ITGAM: variants seen among roughly 807,000 people sequenced by gnomAD.
ITGAM encodes integrin subunit alpha M.
Under a neutral mutation model 137.5 loss-of-function variants are expected in ITGAM, and 79 were observed. The observed-to-expected ratio is 0.57, with a 90% CI of 0.48 to 0.69. The LOEUF is 0.69. ITGAM is among the 30% of genes least tolerant of loss of function. ITGAM has a pLI of 0.00. For missense variants in ITGAM, 1,343 were observed against 1,483.5 expected, an observed-to-expected ratio of 0.91 and a Z score of 1.56; for synonymous variants, 583 against 592.3, an observed-to-expected ratio of 0.98 and a Z score of 0.23.
In ITGAM at chr16:31,307,766, A is replaced by G. The variant is rs1295555133; in HGVS notation, c.1707+9812A>G. On this transcript the variant is annotated intron_variant, in intron 14 of 29. Coordinates refer to ENST00000544665, the MANE Select transcript of ITGAM (RefSeq NM_000632.4). ...TGCTTCCAGTTTTTGTCCATTCAGTATGATATTGGCTGTGGGTTTGTCATA... is the reference window on the plus strand; with the variant it reads ...TGCTTCCAGTTTTTGTCCATTCAGTGTGATATTGGCTGTGGGTTTGTCATA... Among the ~76,000 whole-genome samples, 4 of 152,008 alleles carry G rather than the reference A, an allele frequency of 2.6e-5. No homozygotes were observed. In the East Asian group the frequency reaches 7.7e-4, roughly 29 times the overall value.
rs1031842145 is a variant in ITGAM at position 31,265,198 on chromosome 16, C to A, written c.135-197C>A. 3.3e-5 allele frequency among the ~76,000 whole-genome samples: 5 copies of A among 152,238 alleles called. No homozygotes were observed. The South Asian group carries it at 1.0e-3, about 32-fold the overall frequency. On this transcript the variant is annotated intron_variant, in intron 2 of 29. Coordinates refer to ENST00000544665, the MANE Select transcript of ITGAM (RefSeq NM_000632.4). ...TTTAAATGACTTCTGGTTTTTGTGT[C>A]ATTCTTAGGAAGACCTTTTCTCATT...
chr16:31,297,961 C>T lies in ITGAM; in HGVS notation c.1707+7C>T. On this transcript the variant is annotated splice_region_variant and intron_variant, in intron 14 of 29. Transcript: ENST00000544665. ...CAGCCCCTCCCATAGCCAGGTGAGA[C>T]CTGGTCACTGTCCTTGTCATGACAG... The T allele has an allele frequency of 1.2e-6, 2 of 1,608,840 alleles. No individual in the cohort carries two copies. Among genetic ancestry groups the T allele is most frequent in the Non-Finnish European group, 1.7e-6 (2 of 1,175,412 alleles).
intron 14 of ITGAM, among the ~76,000 whole-genome samples, chr16:31,303,705 G>A (rs187553590): frequency 1.3e-5 from 2 of 152,052 alleles, no homozygotes; most frequent in East Asian, 3.9e-4. Flanking sequence ...CATATATTTA[G>A]TTTTCCATTC....
At chr16:31,326,505 C>T (rs2080509659) in intron 21 of ITGAM, among the ~76,000 whole-genome samples, 1 of 152,142 alleles carries the variant, frequency 6.6e-6, no homozygotes, top group Non-Finnish European at 1.5e-5. Flanking sequence ...CAACCTCTGC[C>T]TCCCAGGTTT....
At chr16:31,317,306 T>C (rs1597030983) in intron 14 of ITGAM, among the ~76,000 whole-genome samples, 1 of 152,178 alleles carries the variant, frequency 6.6e-6, no homozygotes, top group African/African-American at 2.4e-5. Flanking sequence ...TAATCATGAG[T>C]GGCTATTCCT....
chr16:31,329,089 A>G, intron 23 of ITGAM, 139 bp from the exon 24 acceptor site: 1 of 89,920 alleles, frequency 1.1e-5, no homozygotes, highest in Non-Finnish European at 2.2e-5. Context: ...ATCCCCCTGC[A>G]CCCCACCCCA....
chr16:31,300,081 T>G (rs2078642741), intron 14 of ITGAM, among the ~76,000 whole-genome samples: 1 of 152,086 alleles, frequency 6.6e-6, no homozygotes, highest in Non-Finnish European at 1.5e-5. Flanking sequence ...GGCTGATGGC[T>G]TTCTTTTTTA....
chr16:31,269,644 C>T (rs1443270754), intron 5 of ITGAM, among the ~76,000 whole-genome samples: 1 of 152,128 alleles, frequency 6.6e-6, no homozygotes, highest in Non-Finnish European at 1.5e-5. Context: ...AATTATAAAG[C>T]TGTGACAGGC....
chr16:31,324,445 C>T lies in ITGAM; in HGVS notation c.2049C>T (p.Gly683=), dbSNP rs1371674131. The T allele has an allele frequency of 7.1e-6, 11 of 1,556,480 alleles. No homozygotes were observed. The highest frequency in any genetic ancestry group is 4.7e-5 in the South Asian group (4 of 84,306). The part of the protein sequence containing the change: ...VVTYDLALDS[G]RPHSRAVFNE... ...CTTATGACCTGGCTCTGGACTCCGGCCGCCCACATTCCCGCGCCGTCTTCA... is the reference window on the plus strand; with the variant it reads ...CTTATGACCTGGCTCTGGACTCCGGTCGCCCACATTCCCGCGCCGTCTTCA... The change falls in exon 17 of 30, where the codon GGC becomes GGT. Residue 683 remains glycine, a synonymous_variant. Transcript: ENST00000544665. The surrounding 1 kb of genome is among the most constrained non-coding windows in gnomAD (Gnocchi z 4.5).
At chr16:31,266,262 T>TG in intron 5 of ITGAM, 115 bp downstream of exon 5, 1 of 708,406 alleles carries the variant, frequency 1.4e-6, no homozygotes, top group South Asian at 1.6e-5. Context: ...GTGGGGGAAC[T>TG]GGGTCCCATT....
intron 12 of ITGAM, among the ~76,000 whole-genome samples, chr16:31,283,232 G>A (rs2079989727): frequency 6.6e-6 from 1 of 152,104 alleles, no homozygotes; most frequent in Non-Finnish European, 1.5e-5. Context: ...TCTTTGTGGT[G>A]TTCTCTGTAT....
At chr16:31,290,080 C>CA (rs780127045) in intron 12 of ITGAM, among the ~76,000 whole-genome samples, 2,332 of 55,602 alleles carry the variant, frequency 0.042, 29 homozygotes, top group Middle Eastern at 0.068. Context: ...AAACTCCATC[C>CA]AAAAAAAAAA....
intron 16 of ITGAM, among the ~76,000 whole-genome samples, chr16:31,322,459 GA>G (rs2080460330): frequency 6.6e-6 from 1 of 152,196 alleles, no homozygotes; most frequent in African/African-American, 2.4e-5. Flanking sequence ...CTCTTTGGCT[GA>G]CTCTTAAGAC....
chr16:31,331,966 AGTGTGTGTGCGTGTGTCCAT>A lies in ITGAM; in HGVS notation c.*267_*286del, dbSNP rs2142448668. 2 of 527,770 alleles carry A rather than the reference AGTGTGTGTGCGTGTGTCCAT, an allele frequency of 3.8e-6. No individual in the cohort carries two copies. Among genetic ancestry groups the A allele is most frequent in the South Asian group, 4.7e-5 (2 of 42,178 alleles). 32.7% of individuals were successfully genotyped at this position (527,770 alleles called of 1,614,324 possible). A position where few individuals can be genotyped will look rare whatever the true frequency, so the allele number is the denominator to read the frequency against. The stretch of plus-strand genomic sequence containing the variant: ...GTGTGCAAGTATGTGAGTGTGTCCA[AGTGTGTGTGCGTGTGTCCAT>A]GTGTGTGCAAGTGTGTGCATGTGTG... On this transcript the variant is annotated 3_prime_UTR_variant, in exon 30 of 30. Transcript: ENST00000544665.
chr16:31,264,524 A>G (rs2079741759), intron 2 of ITGAM, among the ~76,000 whole-genome samples: 1 of 152,144 alleles, frequency 6.6e-6, no homozygotes, highest in African/African-American at 2.4e-5. Context: ...CATGCCTGTA[A>G]TTCTAACACT....
intron 14 of ITGAM, among the ~76,000 whole-genome samples, 171 bp from the exon 15 acceptor site, chr16:31,321,070 T>C (rs1376972076): frequency 6.6e-6 from 1 of 152,140 alleles, no homozygotes; most frequent in Non-Finnish European, 1.5e-5. Context: ...GGTCTAAAGG[T>C]GAATAATTCC....
intron 14 of ITGAM, among the ~76,000 whole-genome samples, chr16:31,298,816 G>A (rs1011823127): frequency 2.0e-5 from 3 of 149,404 alleles, no homozygotes; most frequent in African/African-American, 7.5e-5. Context: ...GGGGTCCTAC[G>A]TTTTTTTGCA....
In ITGAM at chr16:31,325,366, C is replaced by A. The variant is rs374039698; in HGVS notation, c.2467C>A (p.Pro823Thr). 46 of 1,613,728 alleles carry A rather than the reference C, an allele frequency of 2.9e-5. No homozygotes were observed. Among genetic ancestry groups the A allele is most frequent in the Non-Finnish European group, 3.7e-5 (44 of 1,179,804 alleles). The part of the protein sequence containing the change: ...SYRTQVTFFF[P>T]LDLSYRKVST... The stretch of plus-strand genomic sequence containing the variant: ...CAGGACACAGGTCACCTTCTTCTTC[C>A]CGCTTGACCTGTCCTACCGGAAGGT... The change falls in exon 20 of 30, where the codon CCG (proline) becomes ACG (threonine). Residue 823 changes from proline (P) to threonine (T), a missense_variant. Transcript: ENST00000544665.
At chr16:31,329,130 C>T (rs369344503) in intron 23 of ITGAM, 98 bp from the exon 24 acceptor site, 6 of 482,078 alleles carry the variant, frequency 1.2e-5, no homozygotes, top group Non-Finnish European at 2.5e-5. Flanking sequence ...ATACCCATTA[C>T]CCATGTGCCT....
Sources: allele counts gnomAD v4.1 joint callset (sites outside exome capture counted in the v4.1 genomes callset), GRCh38; gene constraint gnomAD v4.1.1; non-coding constraint Gnocchi (gnomAD v3.1); transcripts MANE v1.5; gene names NCBI Gene and HGNC (gene_info 2026-07-23, HGNC 2026-07-21).